LRP4: variants seen among roughly 807,000 people sequenced by gnomAD.
The protein encoded by LRP4 is low-density lipoprotein receptor-related protein 4.
LRP4 carries 95 observed loss-of-function variants against 220.3 expected under a neutral mutation model. That is an observed-to-expected ratio of 0.43 (90% CI 0.37 to 0.51). The LOEUF (loss-of-function observed/expected upper bound fraction) is 0.51, where lower values mean the gene tolerates loss of function less well. LRP4 is among the 20% of genes least tolerant of loss of function. The pLI is 0.00. For missense variants in LRP4, 1,925 were observed against 2,567.0 expected (o/e 0.75, Z 5.40); for synonymous variants, 903 against 954.6 (o/e 0.95, Z 1.00).
intron 2 of LRP4, among the ~76,000 whole-genome samples, chr11:46,900,883 T>C (rs1592547393): frequency 1.3e-5 from 2 of 151,222 alleles, no homozygotes; most frequent in Middle Eastern, 3.4e-3. Context: ...GCCTCCTGGG[T>C]TCAAGGAATT....
chr11:46,917,673 A>G (rs1592559220), intron 1 of LRP4, among the ~76,000 whole-genome samples: 1 of 150,082 alleles, frequency 6.7e-6, no homozygotes, highest in Non-Finnish European at 1.5e-5. Context: ...CTTTCCAACC[A>G]CCTCCCTTTA....
In LRP4 at chr11:46,893,838, G is replaced by C. The variant is rs1057461781; in HGVS notation, c.1541-709C>G. Among the ~76,000 whole-genome samples the C allele has an allele frequency of 7.2e-5, 11 of 151,904 alleles. No individual in the cohort carries two copies. In the South Asian group the frequency reaches 2.3e-3, roughly 32 times the overall value. On this transcript the variant is annotated intron_variant, in intron 12 of 37. Coordinates refer to ENST00000378623, the MANE Select transcript of LRP4 (RefSeq NM_002334.4). Reference sequence around the variant, plus strand: ...TGGTCTCAAACTCCTGACCTCACGTGATCCGCCTGCTTCAGCCTCCCAAAG... The same window carrying C: ...TGGTCTCAAACTCCTGACCTCACGTCATCCGCCTGCTTCAGCCTCCCAAAG...
At chr11:46,874,479 A>G in intron 28 of LRP4, 1 of 321,984 alleles carries the variant, frequency 3.1e-6, no homozygotes, top group Non-Finnish European at 5.7e-6. Context: ...TATATGGCCT[A>G]CTCATCAGTA....
Position 46,875,760 on chromosome 11 carries a change from C to T in LRP4, c.3699+44G>A, listed in dbSNP as rs755065585. ...ATGGAGATCCTAGGCAGGCCTTTCC[C>T]ATCTTCCCAGGCTCCTGGGAAGCAG... On this transcript the variant is annotated intron_variant, in intron 26 of 37. Coordinates refer to ENST00000378623, the MANE Select transcript of LRP4 (RefSeq NM_002334.4). The surrounding 1 kb of genome is among the most constrained non-coding windows in gnomAD (Gnocchi z 4.5). 29 of 1,613,752 alleles carry T rather than the reference C, an allele frequency of 1.8e-5. No individual in the cohort carries two copies. The East Asian group carries it at 6.2e-4, about 35-fold the overall frequency.
chr11:46,869,257 A>G, intron 31 of LRP4, 125 bp from the exon 32 acceptor site: 1 of 868,520 alleles, frequency 1.2e-6, no homozygotes. Flanking sequence ...TCTCTTCCTC[A>G]TTTCTGTGCA....
In LRP4 at chr11:46,876,727, C is replaced by A. The variant is rs778751491; in HGVS notation, c.3364+17G>T. 6.2e-7 allele frequency: 1 copy of A among 1,614,146 alleles called. No individual in the cohort carries two copies. The highest frequency in any genetic ancestry group is 2.2e-5 in the East Asian group (1 of 44,884). On this transcript the variant is annotated intron_variant, in intron 24 of 37. Transcript: ENST00000378623. ...TGTTGCCAGACAGGTGGTCCCTGGG[C>A]TAGGAGGAAGGCCCACCTGTGGTGA...
chr11:46,875,676 A>G lies in LRP4; in HGVS notation c.3705T>C (p.Ile1235=), dbSNP rs1280336175. Residue 1235 remains isoleucine, a synonymous_variant, in exon 27 of 38, where the codon ATT becomes ATC. Transcript: ENST00000378623. The surrounding 1 kb of genome is among the most constrained non-coding windows in gnomAD (Gnocchi z 4.5). ...TGGCACCATTCAGGTCAGCAGCCTC[A>G]ATTCGCTGCAGAGGAAGGAGAGGGT... ...LLWADAHTER[I]EAADLNGANR... is the part of the protein sequence containing the mutation. 1.7e-5 allele frequency: 27 copies of G among 1,613,812 alleles called. No homozygotes were observed. The Admixed American group carries it at 3.7e-4, about 22-fold the overall frequency.
chr11:46,894,874 A>G, intron 11 of LRP4, 55 bp from the exon 12 acceptor site: 1 of 1,466,588 alleles, frequency 6.8e-7, no homozygotes, highest in Non-Finnish European at 9.5e-7. Flanking sequence ...CGCCCCTGGT[A>G]CCCATCAGCA....
At chr11:46,906,455 C>T (rs902089437) in intron 1 of LRP4, among the ~76,000 whole-genome samples, 2 of 142,498 alleles carry the variant, frequency 1.4e-5, no homozygotes, top group African/African-American at 2.6e-5. Context: ...GACTCTGTCT[C>T]GAAAAAAAAA....
chr11:46,879,991 G>A (rs1175897300), intron 20 of LRP4, among the ~76,000 whole-genome samples: 1 of 152,208 alleles, frequency 6.6e-6, no homozygotes, highest in South Asian at 2.1e-4. Context: ...TATAATCCCA[G>A]CTACTTGGGA....
At chr11:46,907,121 A>G (rs1941774596) in intron 1 of LRP4, among the ~76,000 whole-genome samples, 1 of 152,150 alleles carries the variant, frequency 6.6e-6, no homozygotes. Context: ...AAAACAAATG[A>G]CTGTGGGTGG....
Position 46,873,289 on chromosome 11 carries a change from T to C in LRP4, c.4449-55A>G, listed in dbSNP as rs995226216. On this transcript the variant is annotated intron_variant, in intron 29 of 37. Transcript: ENST00000378623. This position sits in a 1 kb window ranked among gnomAD's most constrained non-coding sequence, Gnocchi z 4.2. ...GGCATGGGAAGACAGCACCCAGAGGTTGAGAGAACACAGAGGACCCACTAA... is the reference window on the plus strand; with the variant it reads ...GGCATGGGAAGACAGCACCCAGAGGCTGAGAGAACACAGAGGACCCACTAA... The C allele has an allele frequency of 9.9e-6, 16 of 1,613,328 alleles. No homozygotes were observed. The Admixed American group carries it at 2.5e-4, about 25-fold the overall frequency.
Position 46,894,735 on chromosome 11 carries a change from T to G in LRP4, c.1394A>C (p.Asn465Thr). 6.2e-7 allele frequency: 1 copy of G among 1,614,232 alleles called. No individual in the cohort carries two copies. The highest frequency in any genetic ancestry group is 8.5e-7 in the Non-Finnish European group (1 of 1,180,038). The part of the protein sequence containing the change: ...PHRSEYTLLL[N>T]NLENAIALDF... ...AAGGGCAATGGCATTCTCCAGGTTG[T>G]TAAGCAGCAGTGTGTACTCAGAGCG... is the stretch of plus-strand genomic sequence containing the variant. The change falls in exon 12 of 38, where the codon AAC becomes ACC. Residue 465 changes from asparagine (N) to threonine (T), a missense_variant. Transcript: ENST00000378623.
Position 46,861,924 on chromosome 11 carries a change from C to T in LRP4, c.5385+682G>A, listed in dbSNP as rs555926339. The stretch of plus-strand genomic sequence containing the variant: ...TCTCTACTAAAAATACAAAATTAGC[C>T]GGGCATGGTGGCGCATGCCTGTAAT... On this transcript the variant is annotated intron_variant, in intron 37 of 37. Transcript: ENST00000378623. Among the ~76,000 whole-genome samples, 8 of 151,810 alleles carry T rather than the reference C, an allele frequency of 5.3e-5. No individual in the cohort carries two copies. The South Asian group carries it at 8.3e-4, about 16-fold the overall frequency.
chr11:46,895,955 ATCTGGCACT>A lies in LRP4; in HGVS notation c.1103_1111del (p.Lys368_Gln370del). ...GGTACACTGCACTGCCCCCCGCACC[ATCTGGCACT>A]TCTGGGCACAGCCACCGTTGTTAAC... On this transcript the variant is annotated inframe_deletion, in exon 10 of 38. Coordinates refer to ENST00000378623, the MANE Select transcript of LRP4 (RefSeq NM_002334.4). 1 of 1,614,024 alleles carries A rather than the reference ATCTGGCACT, an allele frequency of 6.2e-7. No homozygotes were observed. Among genetic ancestry groups the A allele is most frequent in the South Asian group, 1.1e-5 (1 of 91,080 alleles).
intron 13 of LRP4, among the ~76,000 whole-genome samples, chr11:46,892,764 T>C (rs942971520): frequency 6.6e-6 from 1 of 152,128 alleles, no homozygotes; most frequent in African/African-American, 2.4e-5. Flanking sequence ...GAGATGGGGT[T>C]TCCCCATGTT....
intron 3 of LRP4, 50 bp from the exon 4 acceptor site, chr11:46,900,026 C>T: frequency 6.8e-7 from 1 of 1,460,448 alleles, no homozygotes; most frequent in Non-Finnish European, 9.6e-7. Context: ...GGTCTGGTGC[C>T]TGGAAGCCTG....
rs749173410 is a variant in LRP4 at position 46,874,824 on chromosome 11, G to C, written c.4205C>G (p.Thr1402Arg). ...CCTGATAACATCCAGGAACACATCT[G>C]TGTAATAGACCTTTCCATCCACGCT... ...YDSVDGKVYY[T>R]DVFLDVIRRA... Residue 1402 changes from threonine (T) to arginine (R), a missense_variant, in exon 28 of 38, where the codon ACA (threonine) becomes AGA (arginine). Thr to Arg is a moderately conservative substitution (Grantham distance 71, BLOSUM62 -1). Around this residue, in one of 3 missense-constraint regions of LRP4, gnomAD observed 1,244 missense variants for 1,624.9 expected, o/e 0.77. Transcript: ENST00000378623. The C allele has an allele frequency of 6.2e-7, 1 of 1,614,022 alleles. No individual in the cohort carries two copies.
Position 46,890,251 on chromosome 11 carries a change from G to A in LRP4, c.1915+26C>T. 3 of 1,611,710 alleles carry A rather than the reference G, an allele frequency of 1.9e-6. No homozygotes were observed. The highest frequency in any genetic ancestry group is 1.7e-4 in the Middle Eastern group (1 of 6,026). ...GGACGGGGGCAGGAGGACAAGAGAT[G>A]AAGGAGACTGAAGGAAGGGGCTCAC... On this transcript the variant is annotated intron_variant, in intron 14 of 37. Coordinates refer to ENST00000378623, the MANE Select transcript of LRP4 (RefSeq NM_002334.4). The surrounding 1 kb of genome is among the most constrained non-coding windows in gnomAD (Gnocchi z 5.3).
Sources: allele counts gnomAD v4.1 joint callset (sites outside exome capture counted in the v4.1 genomes callset), GRCh38; gene constraint gnomAD v4.1.1; regional missense constraint gnomAD v4.1.1; non-coding constraint Gnocchi (gnomAD v3.1); transcripts MANE v1.5; gene names NCBI Gene and HGNC (gene_info 2026-07-23, HGNC 2026-07-21).